The following LHFPL3 variants were observed in gnomAD, a reference collection of about 807,000 sequenced individuals.
LHFPL3 encodes the protein LHFPL tetraspan subfamily member 3 protein.
Under a neutral mutation model 19.3 loss-of-function variants are expected in LHFPL3, and 5 were observed. The observed-to-expected ratio is 0.26, with a 90% CI of 0.14 to 0.54. LHFPL3 has a LOEUF of 0.54. Ranked by LOEUF, LHFPL3 falls within the 20% of genes least tolerant of loss-of-function variation. The pLI is 0.94. For synonymous variants in LHFPL3, 133 were observed against 126.2 expected (o/e 1.05, Z -0.36); for missense variants, 249 against 307.4 (o/e 0.81, Z 1.42).
At chr7:104,383,774 T>C (rs1316340315) in intron 1 of LHFPL3, among the ~76,000 whole-genome samples, 1 of 152,218 alleles carries the variant, frequency 6.6e-6, no homozygotes, top group African/African-American at 2.4e-5. Flanking sequence ...GAAATAGTGC[T>C]TTTTTCTTCC....
At chr7:104,857,752 T>C (rs1167371645) in intron 2 of LHFPL3, among the ~76,000 whole-genome samples, 1 of 152,228 alleles carries the variant, frequency 6.6e-6, no homozygotes, top group African/African-American at 2.4e-5. Context: ...TTTTGATGTG[T>C]TAATGTTAGT....
At position 104,608,896 on chromosome 7, in the gene LHFPL3, T is replaced by A. The variant is rs78806689; in HGVS notation, c.446-127779T>A. Among the ~76,000 whole-genome samples the A allele has an allele frequency of 7.7e-3, 1,175 of 152,248 alleles. 58 individuals carry two copies. The East Asian group carries it at 0.12, about 16-fold the overall frequency. On this transcript the variant is annotated intron_variant, in intron 1 of 2. Coordinates refer to ENST00000424859, the MANE Select transcript of LHFPL3 (RefSeq NM_199000.3). The stretch of plus-strand genomic sequence containing the variant: ...AAGGGGGATAGGAATGATGTGCATA[T>A]AATGAGGTTGTTAAAAGAATTAAAT...
At chr7:104,501,232 A>G (rs1793592959) in intron 1 of LHFPL3, among the ~76,000 whole-genome samples, 1 of 152,220 alleles carries the variant, frequency 6.6e-6, no homozygotes, top group African/African-American at 2.4e-5. Flanking sequence ...ATATTTCCAC[A>G]GACTCTTTAC....
At chr7:104,744,934 A>G (rs1462260625) in intron 2 of LHFPL3, among the ~76,000 whole-genome samples, 3 of 151,768 alleles carry the variant, frequency 2.0e-5, no homozygotes, top group Non-Finnish European at 1.5e-5. Flanking sequence ...CAGGTGTCAC[A>G]ACTTTAAATA....
At chr7:104,807,009 ATATGTGTG>A (rs1389020207) in intron 2 of LHFPL3, among the ~76,000 whole-genome samples, 3 of 71,372 alleles carry the variant, frequency 4.2e-5, no homozygotes, top group South Asian at 5.9e-4. Context: ...ACCAAAATAT[ATATGTGTG>A]TGTGTGTGTG....
At chr7:104,549,111 C>A (rs1386052364) in intron 1 of LHFPL3, among the ~76,000 whole-genome samples, 1 of 151,978 alleles carries the variant, frequency 6.6e-6, no homozygotes, top group East Asian at 1.9e-4. Context: ...ATGAAGGAAC[C>A]TGGTACGCTG....
At chr7:104,731,492 A>G (rs1793704163) in intron 1 of LHFPL3, among the ~76,000 whole-genome samples, 1 of 152,150 alleles carries the variant, frequency 6.6e-6, no homozygotes, top group Non-Finnish European at 1.5e-5. Flanking sequence ...GCAATTGTGA[A>G]TGGGAGTTCA....
At chr7:104,872,224 C>T (rs144970628) in intron 2 of LHFPL3, among the ~76,000 whole-genome samples, 1,908 of 151,814 alleles carry the variant, frequency 0.013, 28 homozygotes, top group Middle Eastern at 0.031. Flanking sequence ...GTAGTTCCAG[C>T]TACTTGGGAG....
intron 1 of LHFPL3, among the ~76,000 whole-genome samples, chr7:104,505,713 A>G (rs931869262): frequency 2.6e-5 from 4 of 152,254 alleles, no homozygotes; most frequent in African/African-American, 9.6e-5. Flanking sequence ...GAAGAATCCA[A>G]TTGAGTATTC....
intron 2 of LHFPL3, among the ~76,000 whole-genome samples, chr7:104,875,143 C>T (rs1791912626): frequency 6.6e-6 from 1 of 152,096 alleles, no homozygotes; most frequent in Non-Finnish European, 1.5e-5. Context: ...GCCACTGCAG[C>T]CCTATATGGT....
chr7:104,769,689 TA>T (rs1219639051), intron 2 of LHFPL3, among the ~76,000 whole-genome samples: 1 of 150,626 alleles, frequency 6.6e-6, no homozygotes, highest in Non-Finnish European at 1.5e-5. Flanking sequence ...AACTCCCACT[TA>T]TGAGTGAGAA....
At chr7:104,610,566 G>A (rs928247230) in intron 1 of LHFPL3, among the ~76,000 whole-genome samples, 5 of 152,142 alleles carry the variant, frequency 3.3e-5, no homozygotes, top group Non-Finnish European at 7.3e-5. Flanking sequence ...AGAGCCACTA[G>A]TGTAACTTCC....
At chr7:104,739,846 G>C (rs1344534467) in intron 2 of LHFPL3, among the ~76,000 whole-genome samples, 1 of 152,178 alleles carries the variant, frequency 6.6e-6, no homozygotes, top group Admixed American at 6.5e-5. Flanking sequence ...TTCTGATAGA[G>C]ATTACACATC....
chr7:104,599,715 G>A (rs918961085), intron 1 of LHFPL3, among the ~76,000 whole-genome samples: 2 of 152,122 alleles, frequency 1.3e-5, no homozygotes, highest in East Asian at 1.9e-4. Flanking sequence ...CCAGGTATTA[G>A]GGAAACATTA....
At chr7:104,491,642 C>T (rs935174474) in intron 1 of LHFPL3, among the ~76,000 whole-genome samples, 2 of 152,122 alleles carry the variant, frequency 1.3e-5, no homozygotes, top group African/African-American at 4.8e-5. Context: ...TAGGCTGTCC[C>T]TCCACCCACT....
chr7:104,888,132 G>A (rs1007635327), intron 2 of LHFPL3, among the ~76,000 whole-genome samples: 3 of 152,132 alleles, frequency 2.0e-5, no homozygotes, highest in African/African-American at 7.2e-5. Context: ...TGCTCACTCA[G>A]GGGACCACAA....
chr7:104,443,832 T>G (rs1468095), intron 1 of LHFPL3, among the ~76,000 whole-genome samples: 143,968 of 152,334 alleles, frequency 0.95, 68,102 homozygotes, highest in East Asian at 1. Context: ...AGCAGAATGG[T>G]TGTATTATTT....
At chr7:104,856,273 CAG>C (rs1470429385) in intron 2 of LHFPL3, among the ~76,000 whole-genome samples, 1 of 104,888 alleles carries the variant, frequency 9.5e-6, no homozygotes, top group Non-Finnish European at 1.8e-5. Context: ...TTTTTTGAGA[CAG>C]AGTCTTGCTC....
At chr7:104,353,255 A>G (rs1266597409) in intron 1 of LHFPL3, among the ~76,000 whole-genome samples, 2 of 152,226 alleles carry the variant, frequency 1.3e-5, no homozygotes, top group Non-Finnish European at 2.9e-5. Context: ...AAATTCACAT[A>G]TTAAAACTAC....
Sources: gnomAD v4.1 joint callset for allele counts (sites outside exome capture counted in the v4.1 genomes callset) on GRCh38, gnomAD v4.1.1 for gene constraint, MANE v1.5 for transcripts, NCBI Gene and HGNC (gene_info 2026-07-23, HGNC 2026-07-21) for gene names.